The following MACROD2 variants were observed in gnomAD, a reference collection of about 807,000 sequenced individuals.
The protein encoded by MACROD2 is mono-ADP ribosylhydrolase 2, also known as ADP-ribose glycohydrolase MACROD2.
A neutral mutation model predicts 70.4 loss-of-function variants in MACROD2; 36 were observed. That is an observed-to-expected ratio of 0.51 (90% CI 0.39 to 0.68). The LOEUF (loss-of-function observed/expected upper bound fraction) is 0.68. Ranked by LOEUF, MACROD2 falls within the 30% of genes least tolerant of loss-of-function variation. The pLI is 0.00. For missense variants in MACROD2, 496 were observed against 538.4 expected (o/e 0.92, Z 0.78); for synonymous variants, 172 against 178.8 (o/e 0.96, Z 0.30).
At chr20:14,836,792 A>G (rs1212361186) in intron 5 of MACROD2, among the ~76,000 whole-genome samples, 1 of 152,114 alleles carries the variant, frequency 6.6e-6, no homozygotes, top group Non-Finnish European at 1.5e-5. Flanking sequence ...ACAGTTAAAC[A>G]GAATACTTAC....
intron 9 of MACROD2, among the ~76,000 whole-genome samples, chr20:15,868,430 G>A (rs1240144894): frequency 6.6e-6 from 1 of 151,968 alleles, no homozygotes; most frequent in Non-Finnish European, 1.5e-5. Context: ...ATCTATTACT[G>A]CCCATGAATC....
At chr20:14,109,757 AAGTCTCTC>A (rs2054422478) in intron 3 of MACROD2, among the ~76,000 whole-genome samples, 1 of 151,866 alleles carries the variant, frequency 6.6e-6, no homozygotes, top group Non-Finnish European at 1.5e-5. Flanking sequence ...CCACAATAAA[AAGTCTCTC>A]AGTAAAGAAA....
chr20:15,311,626 T>C (rs1017024144), intron 6 of MACROD2, among the ~76,000 whole-genome samples: 1 of 152,168 alleles, frequency 6.6e-6, no homozygotes, highest in African/African-American at 2.4e-5. Context: ...AAATCATGTC[T>C]CTTGCAGCAA....
chr20:14,218,006 A>G (rs1226469014), intron 3 of MACROD2, among the ~76,000 whole-genome samples: 1 of 152,162 alleles, frequency 6.6e-6, no homozygotes, highest in Admixed American at 6.5e-5. Flanking sequence ...TTGGATGAAA[A>G]TGTTCCCTAT....
intron 4 of MACROD2, among the ~76,000 whole-genome samples, chr20:14,639,440 TC>T (rs1218114139): frequency 2.0e-5 from 3 of 152,208 alleles, no homozygotes; most frequent in Non-Finnish European, 4.4e-5. Context: ...TAGAGTTAGT[TC>T]CTGAGGCTAG....
chr20:14,955,969 G>T (rs547360707), intron 5 of MACROD2, among the ~76,000 whole-genome samples: 1 of 151,392 alleles, frequency 6.6e-6, no homozygotes, highest in African/African-American at 2.4e-5. Flanking sequence ...TTTGCAATCA[G>T]TTTTTCTGAA....
At chr20:14,146,093 C>T (rs1167598785) in intron 3 of MACROD2, among the ~76,000 whole-genome samples, 1 of 152,112 alleles carries the variant, frequency 6.6e-6, no homozygotes, top group Non-Finnish European at 1.5e-5. Flanking sequence ...GAGGCTGAGG[C>T]GGGCGGATCA....
intron 4 of MACROD2, among the ~76,000 whole-genome samples, chr20:14,668,778 C>G (rs2070763862): frequency 6.6e-6 from 1 of 151,642 alleles, no homozygotes; most frequent in Non-Finnish European, 1.5e-5. Flanking sequence ...AGTTTTTTTT[C>G]ATGCACATTT....
At chr20:14,324,920 T>C (rs2122565181) in intron 3 of MACROD2, 1 of 152,670 alleles carries the variant, frequency 6.6e-6, no homozygotes, top group South Asian at 2.1e-4. Flanking sequence ...GTTCAGAAGA[T>C]ATGCTTAACT....
intron 4 of MACROD2, among the ~76,000 whole-genome samples, chr20:14,577,354 T>A (rs1980666798): frequency 6.6e-6 from 1 of 152,238 alleles, no homozygotes; most frequent in Non-Finnish European, 1.5e-5. Flanking sequence ...TAATTTTACA[T>A]TAAGAATTAC....
chr20:15,693,732 A>T (rs901995425), intron 8 of MACROD2, among the ~76,000 whole-genome samples: 1 of 152,096 alleles, frequency 6.6e-6, no homozygotes, highest in Non-Finnish European at 1.5e-5. Context: ...TATTATTTTC[A>T]TAAGTTATTG....
At chr20:15,153,609 T>C (rs1425065422) in intron 5 of MACROD2, among the ~76,000 whole-genome samples, 1 of 152,132 alleles carries the variant, frequency 6.6e-6, no homozygotes, top group African/African-American at 2.4e-5. Flanking sequence ...CATGACAACA[T>C]GGACCTGTCT....
At chr20:15,135,510 A>C (rs2123289025) in intron 5 of MACROD2, among the ~76,000 whole-genome samples, 1 of 141,748 alleles carries the variant, frequency 7.1e-6, no homozygotes, top group South Asian at 2.4e-4. Flanking sequence ...GACAAAATTC[A>C]ACAACCCTTC....
intron 3 of MACROD2, among the ~76,000 whole-genome samples, chr20:14,414,367 C>T (rs1443837372): frequency 2.6e-5 from 4 of 152,084 alleles, no homozygotes; most frequent in South Asian, 2.1e-4. Flanking sequence ...AATCCAGTCA[C>T]CCTGAAAATC....
chr20:15,010,743 A>G (rs1186230743), intron 5 of MACROD2, among the ~76,000 whole-genome samples: 1 of 152,204 alleles, frequency 6.6e-6, no homozygotes, highest in Non-Finnish European at 1.5e-5. Context: ...ATAAACCAGC[A>G]AGTAAATTAA....
intron 6 of MACROD2, among the ~76,000 whole-genome samples, chr20:15,422,303 G>A (rs1311442154): frequency 6.6e-6 from 1 of 152,170 alleles, no homozygotes; most frequent in Non-Finnish European, 1.5e-5. Flanking sequence ...CAAGGAGGGT[G>A]TTCTCAGCGA....
chr20:14,476,139 A>G (rs551834907), intron 3 of MACROD2, among the ~76,000 whole-genome samples: 6 of 152,270 alleles, frequency 3.9e-5, no homozygotes, highest in South Asian at 2.1e-4. Context: ...AAAATTACCA[A>G]TTAGAAATAT....
chr20:15,939,362 C>T (rs1294130682), intron 12 of MACROD2, among the ~76,000 whole-genome samples: 1 of 152,122 alleles, frequency 6.6e-6, no homozygotes, highest in Non-Finnish European at 1.5e-5. Context: ...AGACAATGCT[C>T]ATTTACTATT....
intron 6 of MACROD2, among the ~76,000 whole-genome samples, chr20:15,385,264 C>T (rs1229500418): frequency 6.6e-6 from 1 of 152,128 alleles, no homozygotes; most frequent in Non-Finnish European, 1.5e-5. Context: ...GAACTTTAAC[C>T]TCATAAAGAA....
Sources: allele counts gnomAD v4.1 joint callset (sites outside exome capture counted in the v4.1 genomes callset), GRCh38; gene constraint gnomAD v4.1.1; transcripts MANE v1.5; gene names NCBI Gene and HGNC (gene_info 2026-07-23, HGNC 2026-07-21).